RABEPK: variants seen among roughly 807,000 people sequenced by gnomAD.
RABEPK encodes the protein 40 kDa Rab9 effector protein.
In RABEPK, 27 loss-of-function variants were observed where a neutral mutation model predicts 34.1. The ratio of observed to expected loss-of-function variants is 0.79; its 90% CI spans 0.58 to 1.09. RABEPK has a LOEUF of 1.09. Ranked by LOEUF, RABEPK falls within the 50% of genes least tolerant of loss-of-function variation. The pLI, the probability that RABEPK is intolerant of heterozygous loss-of-function variation, is 0.00. For synonymous variants in RABEPK, 172 were observed against 169.2 expected (o/e 1.02, Z -0.13); for missense variants, 449 against 462.6 (o/e 0.97, Z 0.27).
chr9:125,217,776 G>A (rs1187130390), intron 4 of RABEPK, among the ~76,000 whole-genome samples: 1 of 152,074 alleles, frequency 6.6e-6, no homozygotes, highest in Non-Finnish European at 1.5e-5. Context: ...TGGGCCTGGA[G>A]GTGACATGTA....
chr9:125,208,432 G>A (rs551294781), intron 3 of RABEPK, among the ~76,000 whole-genome samples: 2 of 152,194 alleles, frequency 1.3e-5, no homozygotes, highest in African/African-American at 4.8e-5. Context: ...GAGTGCAATG[G>A]CGCGATCTTC....
chr9:125,226,967 C>T (rs923423198), intron 5 of RABEPK, among the ~76,000 whole-genome samples: 5 of 151,908 alleles, frequency 3.3e-5, no homozygotes, highest in East Asian at 3.9e-4. Context: ...GTCAGGAGTT[C>T]GAGACCAGCC....
intron 3 of RABEPK, among the ~76,000 whole-genome samples, chr9:125,211,105 C>T (rs142568490): frequency 0.1 from 15,218 of 150,060 alleles, 1,027 homozygotes; most frequent in Non-Finnish European, 0.14. Flanking sequence ...GGCGTGGTGG[C>T]GGGCGCCTGT....
chr9:125,207,518 A>G (rs2131372738), intron 2 of RABEPK, 46 bp from the exon 3 acceptor site: 2 of 1,574,798 alleles, frequency 1.3e-6, no homozygotes, highest in East Asian at 4.5e-5. Flanking sequence ...ACACTACTGC[A>G]TTTATTCTCT....
At chr9:125,216,457 A>G (rs559918647) in intron 4 of RABEPK, among the ~76,000 whole-genome samples, 441 of 150,932 alleles carry the variant, frequency 2.9e-3, no homozygotes, top group Middle Eastern at 0.014. Context: ...GTCAGAGTTC[A>G]GGAACTAGGA....
At position 125,224,731 on chromosome 9, in the gene RABEPK, G is replaced by A. The variant is rs1054764051; in HGVS notation, c.527-3179G>A. ...GGCCTCCCAAAGTGCTGGGATTACA[G>A]TCATAAGCCACTGCGCCCGGCCAGT... On this transcript the variant is annotated intron_variant, in intron 5 of 7. Coordinates refer to ENST00000373538, the MANE Select transcript of RABEPK (RefSeq NM_005833.4). 4.5e-4 allele frequency among the ~76,000 whole-genome samples: 69 copies of A among 152,280 alleles called. 1 individual carries two copies. Among genetic ancestry groups the A allele is most frequent in the African/African-American group, 1.5e-3 (64 of 41,564 alleles).
At chr9:125,225,230 C>T (rs365552) in intron 5 of RABEPK, among the ~76,000 whole-genome samples, 1 of 151,754 alleles carries the variant, frequency 6.6e-6, no homozygotes, top group Admixed American at 6.6e-5. Context: ...ACTAAAAATA[C>T]AAAAATTAGC....
intron 3 of RABEPK, among the ~76,000 whole-genome samples, chr9:125,208,851 T>G (rs1340483118): frequency 6.6e-6 from 1 of 151,886 alleles, no homozygotes; most frequent in African/African-American, 2.4e-5. Context: ...TCTCTTATCT[T>G]TATCCATGTC....
chr9:125,207,569 C>G lies in RABEPK; in HGVS notation c.59C>G (p.Thr20Ser). 1 of 1,613,924 alleles carries G rather than the reference C, an allele frequency of 6.2e-7. No homozygotes were observed. The highest frequency in any genetic ancestry group is 2.2e-5 in the East Asian group (1 of 44,884). ...ATACATCCTTCCTTTGGCAGGTACA[C>G]CTTGACTGTCCCTGGAGACAGCCCC... ...GDKPRKATWYTLTVPGDSPCA... is the reference protein window; with the variant it reads ...GDKPRKATWYSLTVPGDSPCA... The change falls in exon 3 of 8, where the codon ACC (threonine) becomes AGC (serine). Residue 20 changes from threonine to serine, a missense_variant. Transcript: ENST00000373538.
At chr9:125,227,085 G>A (rs962191974) in intron 5 of RABEPK, among the ~76,000 whole-genome samples, 3 of 151,384 alleles carry the variant, frequency 2.0e-5, no homozygotes, top group East Asian at 1.9e-4. Flanking sequence ...CAGGAGAATC[G>A]CTTGAACCTG....
rs146708245 is a variant in RABEPK, at chr9:125,220,609, G to A, written c.435G>A (p.Ser145=). The change falls in exon 5 of 8, where the codon TCG becomes TCA. Residue 145 remains serine (S), a synonymous_variant. Transcript: ENST00000373538. ...CCCCAAGAACATTCCACACATCATCGGCAGCCATTGGAAACCAGCTATATG... is the reference window on the plus strand; with the variant it reads ...CCCCAAGAACATTCCACACATCATCAGCAGCCATTGGAAACCAGCTATATG... ...PPSPRTFHTS[S]AAIGNQLYVF... 8.7e-6 allele frequency: 14 copies of A among 1,614,048 alleles called. No individual in the cohort carries two copies. Among genetic ancestry groups the A allele is most frequent in the African/African-American group, 8.0e-5 (6 of 74,928 alleles).
chr9:125,202,994 T>C lies in RABEPK; in HGVS notation c.-6-14T>C, dbSNP rs1349736682. 1.2e-6 allele frequency: 2 copies of C among 1,612,522 alleles called. No homozygotes were observed. Among genetic ancestry groups the C allele is most frequent in the Admixed American group, 3.3e-5 (2 of 59,932 alleles). On this transcript the variant is annotated splice_polypyrimidine_tract_variant and intron_variant, in intron 1 of 7. Transcript: ENST00000373538. ...CATAAGTGTCTAAAAAGTGCCTTTC[T>C]TTCTTATGCATAGGACACCATGAAG...
At chr9:125,233,331 T>TG (rs1832346603) in intron 7 of RABEPK, among the ~76,000 whole-genome samples, 1 of 132,376 alleles carries the variant, frequency 7.6e-6, no homozygotes, top group South Asian at 2.6e-4. Flanking sequence ...TGGAAATTGT[T>TG]TTTTTTTTTT....
chr9:125,201,076 G>A lies in RABEPK; in HGVS notation c.-7+170G>A, dbSNP rs374134429. 3.9e-5 allele frequency among the ~76,000 whole-genome samples: 6 copies of A among 152,322 alleles called. No individual in the cohort carries two copies. The South Asian group carries it at 1.0e-3, about 26-fold the overall frequency. ...ATTTAATCTAGAATCTAGTCTAGAA[G>A]CCTTAAATAGATAAACATTCCAAAT... On this transcript the variant is annotated intron_variant, in intron 1 of 7. Coordinates refer to ENST00000373538, the MANE Select transcript of RABEPK (RefSeq NM_005833.4).
chr9:125,210,510 G>A (rs570073527), intron 3 of RABEPK, among the ~76,000 whole-genome samples: 2 of 151,440 alleles, frequency 1.3e-5, no homozygotes, highest in Non-Finnish European at 2.9e-5. Context: ...ACAAGGTCAG[G>A]AGATCGAGAC....
At chr9:125,215,809 G>T (rs564071942) in intron 4 of RABEPK, among the ~76,000 whole-genome samples, 1 of 152,046 alleles carries the variant, frequency 6.6e-6, no homozygotes, top group Non-Finnish European at 1.5e-5. Context: ...AAATAAAAAG[G>T]CTAGGTAAAA....
At chr9:125,232,177 G>A (rs1045933087) in intron 6 of RABEPK, among the ~76,000 whole-genome samples, 1 of 151,804 alleles carries the variant, frequency 6.6e-6, no homozygotes, top group Non-Finnish European at 1.5e-5. Context: ...GGGATTACAG[G>A]CGTGAGCCAC....
chr9:125,201,546 G>C (rs911475353), intron 1 of RABEPK, among the ~76,000 whole-genome samples: 3 of 152,180 alleles, frequency 2.0e-5, no homozygotes, highest in African/African-American at 7.2e-5. Context: ...AGGAGGCTGA[G>C]GTGGAAGAAT....
chr9:125,231,370 C>T (rs1832165499), intron 6 of RABEPK, among the ~76,000 whole-genome samples: 1 of 152,156 alleles, frequency 6.6e-6, no homozygotes, highest in Non-Finnish European at 1.5e-5. Flanking sequence ...GCTAAGGCAG[C>T]ACATTATCGT....
Sources: allele counts gnomAD v4.1 joint callset (sites outside exome capture counted in the v4.1 genomes callset), GRCh38; gene constraint gnomAD v4.1.1; transcripts MANE v1.5; gene names NCBI Gene and HGNC (gene_info 2026-07-23, HGNC 2026-07-21).